FAR2: variants seen among roughly 807,000 people sequenced by gnomAD.
FAR2 encodes epididymis secretory protein Li 81.
FAR2 carries 19 observed loss-of-function variants against 56.0 expected under a neutral mutation model. That is an observed-to-expected ratio of 0.34 (90% confidence interval 0.24 to 0.50). The LOEUF (loss-of-function observed/expected upper bound fraction) is 0.50, where lower values mean the gene tolerates loss of function less well. Ranked by LOEUF, FAR2 falls within the 20% of genes least tolerant of loss-of-function variation. The pLI is 0.98. For synonymous variants in FAR2, 219 were observed against 218.8 expected (o/e 1.00, Z -0.01); for missense variants, 508 against 642.2 (o/e 0.79, Z 2.26).
In FAR2 at chr12:29,334,586, TA is replaced by T. The variant is rs575162249; in HGVS notation, c.*796del. 1.2e-4 allele frequency: 19 copies of T among 152,316 alleles called. No individual in the cohort carries two copies. Among genetic ancestry groups the T allele is most frequent in the African/African-American group, 4.1e-4 (17 of 41,582 alleles). The allele number at this position is 152,316 out of a possible 1,614,324, so 9.4% of individuals were successfully genotyped here. A position where few individuals can be genotyped will look rare whatever the true frequency, so the allele number is the denominator to read the frequency against. On this transcript the variant is annotated 3_prime_UTR_variant, in exon 12 of 12. Coordinates refer to ENST00000536681, the MANE Select transcript of FAR2 (RefSeq NM_001271783.2). ...CCTTCTTTCAAGAGTCTCCTTCTTC[TA>T]AAAGTTGCCAAACCCTTTATATTTA...
chr12:29,159,750 C>T (rs1949764853), intron 1 of FAR2, among the ~76,000 whole-genome samples: 1 of 152,138 alleles, frequency 6.6e-6, no homozygotes, highest in African/African-American at 2.4e-5. Flanking sequence ...TCTAGCTTTA[C>T]TTTCCTTCTG....
At chr12:29,323,757 C>G (rs1282147875) in intron 10 of FAR2, among the ~76,000 whole-genome samples, 2 of 152,128 alleles carry the variant, frequency 1.3e-5, no homozygotes, top group Non-Finnish European at 1.5e-5. Flanking sequence ...ATGTCACCAT[C>G]ATCAAAGACC....
At chr12:29,258,043 C>T (rs1231590633) in intron 1 of FAR2, among the ~76,000 whole-genome samples, 1 of 152,026 alleles carries the variant, frequency 6.6e-6, no homozygotes, top group Non-Finnish European at 1.5e-5. Flanking sequence ...CAATCTTTTC[C>T]ACCGATAAAA....
intron 1 of FAR2, among the ~76,000 whole-genome samples, chr12:29,200,035 G>C (rs1018531442): frequency 4.6e-5 from 7 of 152,150 alleles, no homozygotes; most frequent in African/African-American, 1.7e-4. Flanking sequence ...AGTCATCATA[G>C]TTGAAGCTCT....
intron 1 of FAR2, among the ~76,000 whole-genome samples, chr12:29,262,780 A>G (rs1162486344): frequency 6.6e-6 from 1 of 152,204 alleles, no homozygotes; most frequent in Non-Finnish European, 1.5e-5. Flanking sequence ...AAAATGGCAG[A>G]GGGAAGTCAT....
intron 1 of FAR2, among the ~76,000 whole-genome samples, chr12:29,201,694 G>T (rs552429279): frequency 6.6e-6 from 1 of 152,136 alleles, no homozygotes; most frequent in Non-Finnish European, 1.5e-5. Context: ...GGTCAAACCT[G>T]AGCCCATTAT....
intron 5 of FAR2, among the ~76,000 whole-genome samples, chr12:29,308,525 AC>A (rs1949290713): frequency 6.6e-6 from 1 of 151,982 alleles, no homozygotes; most frequent in South Asian, 2.1e-4. Context: ...CTCCTGTTAT[AC>A]TCACACATTT....
At position 29,232,821 on chromosome 12, in the gene FAR2, G is replaced by GCACACACACACACACACACACA. The variant is rs71042969; in HGVS notation, c.-38-37586_-38-37565dup. Among the ~76,000 whole-genome samples the GCACACACACACACACACACACA allele has an allele frequency of 6.2e-5, 9 of 145,950 alleles. No homozygotes were observed. The East Asian group carries it at 1.8e-3, about 30-fold the overall frequency. ...CACACACACACACATACGCGCTCGC[G>GCACACACACACACACACACACA]CACACACACACACACACACACACAC... On this transcript the variant is annotated intron_variant, in intron 1 of 11. Transcript: ENST00000536681.
intron 2 of FAR2, chr12:29,291,330 A>T (rs998934513): frequency 2.2e-6 from 1 of 454,284 alleles, no homozygotes; most frequent in Admixed American, 2.4e-5. Context: ...TTCCTAGGTT[A>T]CACACAAAAC....
rs11050127 is a variant in FAR2, at chr12:29,206,745, T to G, written c.-39+57338T>G. On this transcript the variant is annotated intron_variant, in intron 1 of 11. Transcript: ENST00000536681. ...ATGACATAAGGCAGTTCATGTTTACTTGCCAAAGGACTGATGTAACTACAG... is the reference window on the plus strand; with the variant it reads ...ATGACATAAGGCAGTTCATGTTTACGTGCCAAAGGACTGATGTAACTACAG... 5.9e-3 allele frequency among the ~76,000 whole-genome samples: 897 copies of G among 152,288 alleles called. 5 individuals are homozygous for G. The highest frequency in any genetic ancestry group is 0.017 in the Middle Eastern group (5 of 294).
Position 29,168,361 on chromosome 12 carries a change from G to A in FAR2, c.-39+18954G>A, listed in dbSNP as rs189984862. Among the ~76,000 whole-genome samples, 38 of 152,312 alleles carry A rather than the reference G, an allele frequency of 2.5e-4. No individual in the cohort carries two copies. In the East Asian group the frequency reaches 7.3e-3, roughly 29 times the overall value. ...ATATTTCTGGTCAGCTCATTTCTGG[G>A]GATGGAGAGCAGTGTGCTTACTGAC... On this transcript the variant is annotated intron_variant, in intron 1 of 11. Coordinates refer to ENST00000536681, the MANE Select transcript of FAR2 (RefSeq NM_001271783.2).
chr12:29,167,561 C>CCA (rs1355978465), intron 1 of FAR2, among the ~76,000 whole-genome samples: 1 of 152,184 alleles, frequency 6.6e-6, no homozygotes, highest in Non-Finnish European at 1.5e-5. Context: ...AATGAGCATT[C>CCA]CACACACACC....
At chr12:29,272,702 A>G (rs1405014963) in intron 2 of FAR2, among the ~76,000 whole-genome samples, 1 of 152,136 alleles carries the variant, frequency 6.6e-6, no homozygotes, top group East Asian at 1.9e-4. Flanking sequence ...CATTTGGAGG[A>G]GAAGAGGCAC....
chr12:29,232,091 G>C (rs970084346), intron 1 of FAR2, among the ~76,000 whole-genome samples: 1 of 152,210 alleles, frequency 6.6e-6, no homozygotes, highest in African/African-American at 2.4e-5. Flanking sequence ...ATCCCTAGGA[G>C]AGAACAAGTG....
intron 3 of FAR2, among the ~76,000 whole-genome samples, chr12:29,294,770 A>C (rs2136753870): frequency 6.6e-6 from 1 of 152,298 alleles, no homozygotes; most frequent in South Asian, 2.1e-4. Flanking sequence ...TTTCATTTTT[A>C]CATTTAGATT....
intron 1 of FAR2, among the ~76,000 whole-genome samples, chr12:29,231,948 A>C (rs2136652532): frequency 6.6e-6 from 1 of 152,338 alleles, no homozygotes; most frequent in Non-Finnish European, 1.5e-5. Flanking sequence ...GCACATCCCG[A>C]AACTTTTGCA....
At chr12:29,327,376 C>G (rs1949666244) in intron 10 of FAR2, among the ~76,000 whole-genome samples, 1 of 152,142 alleles carries the variant, frequency 6.6e-6, no homozygotes, top group Admixed American at 6.5e-5. Flanking sequence ...CTACCAAAGA[C>G]TTTCTTCACA....
In FAR2 at chr12:29,309,190, G is replaced by C. The variant is rs1207034654; in HGVS notation, c.728G>C (p.Trp243Ser). 4 of 1,600,348 alleles carry C rather than the reference G, an allele frequency of 2.5e-6. No homozygotes were observed. Among genetic ancestry groups the C allele is most frequent in the African/African-American group, 1.3e-5 (1 of 74,648 alleles). Residue 243 changes from tryptophan (W) to serine (S), a missense_variant, in exon 6 of 12, where the codon TGG becomes TCG. Trp to Ser is a radical substitution (Grantham distance 177). Coordinates refer to ENST00000536681, the MANE Select transcript of FAR2 (RefSeq NM_001271783.2). ...TAGAAATCTTCTTTCTTTTAGGGTT[G>C]GGTTGATAATATAAATGGACCTAAT... The part of the protein sequence containing the change: ...GATWQEPFPG[W>S]VDNINGPNGI...
chr12:29,332,834 C>A, intron 11 of FAR2, 107 bp downstream of exon 11: 1 of 1,089,304 alleles, frequency 9.2e-7, no homozygotes, highest in Non-Finnish European at 1.4e-6. Context: ...TGAGCATTTA[C>A]TACATTACAG....
Sources: gnomAD v4.1 joint callset for allele counts (sites outside exome capture counted in the v4.1 genomes callset) on GRCh38, gnomAD v4.1.1 for gene constraint, MANE v1.5 for transcripts, NCBI Gene and HGNC (gene_info 2026-07-23, HGNC 2026-07-21) for gene names.